Variants in LIX1 observed in about 807,000 individuals in gnomAD.
LIX1 encodes limb and CNS expressed 1, also known as protein limb expression 1 homolog.
LIX1 carries 24 observed loss-of-function variants against 33.4 expected under a neutral mutation model. The observed-to-expected ratio is 0.72, with a 90% confidence interval of 0.52 to 1.01. LIX1 has a LOEUF of 1.01. Among genes scored for constraint, LIX1 ranks in the 50% least tolerant of loss-of-function variants. The probability of loss-of-function intolerance (pLI) is 0.00; values close to 1 mark genes in which losing one functional copy is unlikely to be tolerated. For missense variants in LIX1, 311 were observed against 339.2 expected, an observed-to-expected ratio of 0.92 and a Z score of 0.65; for synonymous variants, 124 against 124.0, an observed-to-expected ratio of 1.00 and a Z score of 0.00.
At chr5:97,124,245 T>G (rs1747854774) in intron 2 of LIX1, among the ~76,000 whole-genome samples, 1 of 152,162 alleles carries the variant, frequency 6.6e-6, no homozygotes, top group Non-Finnish European at 1.5e-5. Flanking sequence ...TAAAACATCT[T>G]TGCCAGTTAT....
At chr5:97,138,730 C>T (rs1320990859) in intron 1 of LIX1, among the ~76,000 whole-genome samples, 4 of 152,064 alleles carry the variant, frequency 2.6e-5, no homozygotes, top group Non-Finnish European at 5.9e-5. Context: ...TAATGGGCTC[C>T]CTCTATGCTC....
rs316234 is a variant in LIX1, at chr5:97,091,994, C to A, written c.*2754G>T. The A allele has an allele frequency of 0.33, 49,779 of 152,070 alleles. 9,275 individuals carry two copies. Among genetic ancestry groups the A allele is most frequent in the African/African-American group, 0.52 (21,517 of 41,382 alleles). 9.4% of individuals were successfully genotyped at this position (152,070 alleles called of 1,614,324 possible). On this transcript the variant is annotated 3_prime_UTR_variant, in exon 6 of 6. Coordinates refer to ENST00000274382, the MANE Select transcript of LIX1 (RefSeq NM_153234.5). The stretch of plus-strand genomic sequence containing the variant: ...TATGGTAAATTTGGATTTTGTGGAA[C>A]TTAAACTATCTCATGTCAAACACAG...
intron 1 of LIX1, among the ~76,000 whole-genome samples, chr5:97,141,779 A>C (rs1748296440): frequency 6.6e-6 from 1 of 152,248 alleles, no homozygotes; most frequent in African/African-American, 2.4e-5. Flanking sequence ...GCAGCAGGAA[A>C]TCAAATTGGT....
Position 97,094,467 on chromosome 5 carries a change from T to A in LIX1, c.*281A>T. On this transcript the variant is annotated 3_prime_UTR_variant, in exon 6 of 6. Transcript: ENST00000274382. ...AGGCACGTGACAGTCAGGCTTTAGG[T>A]TGGAGCCAGGCCTGGAAAATGTTTT... 1 of 416,478 alleles carries A rather than the reference T, an allele frequency of 2.4e-6. No homozygotes were observed. The highest frequency in any genetic ancestry group is 4.3e-6 in the Non-Finnish European group (1 of 232,446). 25.8% of individuals were successfully genotyped at this position (416,478 alleles called of 1,614,324 possible).
intron 4 of LIX1, among the ~76,000 whole-genome samples, chr5:97,099,729 C>T (rs536869674): frequency 8.6e-4 from 130 of 151,934 alleles, no homozygotes; most frequent in Admixed American, 1.5e-3. Flanking sequence ...CCCAGCTACT[C>T]GGGAGGCTGA....
chr5:97,123,182 C>T (rs1747826739), intron 2 of LIX1, among the ~76,000 whole-genome samples: 1 of 152,224 alleles, frequency 6.6e-6, no homozygotes, highest in Non-Finnish European at 1.5e-5. Context: ...ACCACACATC[C>T]TCACTTGGCA....
At chr5:97,136,114 C>T (rs548860012) in intron 1 of LIX1, among the ~76,000 whole-genome samples, 5 of 152,276 alleles carry the variant, frequency 3.3e-5, no homozygotes, top group South Asian at 2.1e-4. Context: ...GACTCACAGT[C>T]GGGGGTAGAT....
chr5:97,099,103 C>T (rs1746539390), intron 4 of LIX1, among the ~76,000 whole-genome samples: 1 of 148,914 alleles, frequency 6.7e-6, no homozygotes, highest in African/African-American at 2.6e-5. Context: ...TCCCTGTCTG[C>T]ACAGGGTCCT....
intron 2 of LIX1, among the ~76,000 whole-genome samples, chr5:97,115,429 T>G (rs763287675): frequency 6.6e-6 from 1 of 152,176 alleles, no homozygotes; most frequent in Non-Finnish European, 1.5e-5. Context: ...TAGCCCTCAT[T>G]TGATTAATGA....
chr5:97,096,660 A>G, intron 5 of LIX1, 150 bp downstream of exon 5: 1 of 622,908 alleles, frequency 1.6e-6, no homozygotes, highest in Admixed American at 2.8e-5. Flanking sequence ...GGGCTGTTCT[A>G]TATATTTCTT....
intron 4 of LIX1, among the ~76,000 whole-genome samples, chr5:97,103,897 A>G (rs953922914): frequency 5.9e-5 from 9 of 151,392 alleles, no homozygotes; most frequent in South Asian, 4.2e-4. Context: ...CCTGGGAGGC[A>G]GAGCTTGCAG....
Position 97,094,680 on chromosome 5 carries a change from T to TCAGAGGTC in LIX1, c.*67_*68insGACCTCTG. ...AGAGATGCTGGAGCCTCTGAGGACC[T>TCAGAGGTC]CTGCACTGAGATTCCTAATGTTAAT... On this transcript the variant is annotated 3_prime_UTR_variant, in exon 6 of 6. Coordinates refer to ENST00000274382, the MANE Select transcript of LIX1 (RefSeq NM_153234.5). 6.7e-7 allele frequency: 1 copy of TCAGAGGTC among 1,482,676 alleles called. No individual in the cohort carries two copies. Among genetic ancestry groups the TCAGAGGTC allele is most frequent in the Non-Finnish European group, 9.3e-7 (1 of 1,079,250 alleles). The allele number at this position is 1,482,676 out of a possible 1,614,324, so 91.8% of individuals were successfully genotyped here.
At chr5:97,131,549 CT>C (rs34789534) in intron 1 of LIX1, among the ~76,000 whole-genome samples, 68,659 of 152,036 alleles carry the variant, frequency 0.45, 16,151 homozygotes, top group African/African-American at 0.58. Flanking sequence ...AATGAAATGC[CT>C]TGTGGTAACA....
chr5:97,125,395 A>G (rs1418296072), intron 1 of LIX1, among the ~76,000 whole-genome samples: 1 of 152,242 alleles, frequency 6.6e-6, no homozygotes, highest in East Asian at 1.9e-4. Context: ...TTGTAGAGTC[A>G]AAAGTGACCT....
At chr5:97,122,421 C>A (rs1456875714) in intron 2 of LIX1, among the ~76,000 whole-genome samples, 1 of 152,174 alleles carries the variant, frequency 6.6e-6, no homozygotes, top group African/African-American at 2.4e-5. Context: ...TCCAATGGCA[C>A]CCTTTCTTCT....
chr5:97,121,125 C>T (rs1031858569), intron 2 of LIX1, among the ~76,000 whole-genome samples: 1 of 152,052 alleles, frequency 6.6e-6, no homozygotes, highest in African/African-American at 2.4e-5. Context: ...GCTAATGCCC[C>T]CTGAAGTTTC....
chr5:97,133,908 G>C (rs1465031265), intron 1 of LIX1, among the ~76,000 whole-genome samples: 1 of 152,120 alleles, frequency 6.6e-6, no homozygotes, highest in African/African-American at 2.4e-5. Context: ...TACCTAATAT[G>C]ACACAAGTCC....
At chr5:97,103,716 A>G (rs1746843409) in intron 4 of LIX1, among the ~76,000 whole-genome samples, 1 of 152,230 alleles carries the variant, frequency 6.6e-6, no homozygotes, top group Admixed American at 6.5e-5. Context: ...CTGTAATCCT[A>G]GCACTTTGGG....
rs1561484661 is a variant in LIX1 at position 97,094,838 on chromosome 5, G to A, written c.759C>T (p.Ser253=). Residue 253 remains serine, a synonymous_variant, in exon 6 of 6, where the codon AGC becomes AGT. Transcript: ENST00000274382. ...RFYKEKKEIL[S]LALTQICSDP... is the part of the protein sequence containing the mutation. ...CACTGCAGATCTGAGTCAGGGCTAA[G>A]CTCAATATTTCTTTCTTTTCTTTGT... The A allele has an allele frequency of 6.2e-7, 1 of 1,614,200 alleles. No homozygotes were observed. Among genetic ancestry groups the A allele is most frequent in the Admixed American group, 1.7e-5 (1 of 60,016 alleles).
Sources: allele counts gnomAD v4.1 joint callset (sites outside exome capture counted in the v4.1 genomes callset), GRCh38; gene constraint gnomAD v4.1.1; transcripts MANE v1.5; gene names NCBI Gene and HGNC (gene_info 2026-07-23, HGNC 2026-07-21).